USP34: variants seen among roughly 807,000 people sequenced by gnomAD.
USP34 encodes ubiquitin carboxyl-terminal hydrolase 34.
In USP34, 70 loss-of-function variants were observed where a neutral mutation model predicts 460.3. That is an observed-to-expected ratio of 0.15 (90% CI 0.13 to 0.19). The LOEUF (loss-of-function observed/expected upper bound fraction) is 0.19. Among genes scored for constraint, USP34 ranks in the 10% least tolerant of loss-of-function variants. USP34 has a pLI of 1.00. For synonymous variants in USP34, 1,647 were observed against 1,405.3 expected (o/e 1.17, Z -3.85); for missense variants, 3,985 against 4,236.2 (o/e 0.94, Z 1.65).
At chr2:61,194,364 G>A (rs1294523502) in intron 75 of USP34, among the ~76,000 whole-genome samples, 1 of 152,218 alleles carries the variant, frequency 6.6e-6, no homozygotes, top group Admixed American at 6.5e-5. Context: ...TGTGGCTATA[G>A]GGAAGAGAGT....
At chr2:61,375,258 G>C (rs1028462657) in intron 8 of USP34, among the ~76,000 whole-genome samples, 1 of 152,140 alleles carries the variant, frequency 6.6e-6, no homozygotes, top group African/African-American at 2.4e-5. Flanking sequence ...CTGCTGGCAA[G>C]AATAGGGAGA....
chr2:61,368,204 C>T (rs372069173), intron 10 of USP34, among the ~76,000 whole-genome samples: 12 of 152,050 alleles, frequency 7.9e-5, no homozygotes, highest in African/African-American at 2.2e-4. Context: ...GAGGCCAAGG[C>T]GGAAGGATTA....
At chr2:61,298,375 A>AAC (rs1553366006) in intron 29 of USP34, among the ~76,000 whole-genome samples, 5 of 142,614 alleles carry the variant, frequency 3.5e-5, no homozygotes, top group African/African-American at 1.3e-4. Flanking sequence ...AAAAAAAAAA[A>AAC]AAAAAAAAAA....
intron 18 of USP34, among the ~76,000 whole-genome samples, chr2:61,338,466 A>G (rs1691493888): frequency 6.6e-6 from 1 of 152,268 alleles, no homozygotes; most frequent in Non-Finnish European, 1.5e-5. Flanking sequence ...AAAAGAAAAT[A>G]AAATATAGCA....
rs76454698 is a variant in USP34 at position 61,421,495 on chromosome 2, G to A, written c.44-662C>T. On this transcript the variant is annotated intron_variant, in intron 1 of 79. Coordinates refer to ENST00000398571, the MANE Select transcript of USP34 (RefSeq NM_014709.4). ...CATTTTAATGGCTTTTACCTTCTTT[G>A]GCTGGTCCACACAGCTTTACAAAGT... Among the ~76,000 whole-genome samples, 449 of 152,096 alleles carry A rather than the reference G, an allele frequency of 3.0e-3. 3 individuals are homozygous for A. Among genetic ancestry groups the A allele is most frequent in the African/African-American group, 0.01 (424 of 41,482 alleles).
chr2:61,336,564 C>CT (rs992370871), intron 18 of USP34, among the ~76,000 whole-genome samples: 3 of 151,074 alleles, frequency 2.0e-5, no homozygotes, highest in Non-Finnish European at 4.4e-5. Flanking sequence ...AATCCCAGCA[C>CT]TTTGAGAGGT....
Position 61,214,430 on chromosome 2 carries a change from A to G in USP34, c.8312T>C (p.Met2771Thr). The G allele has an allele frequency of 6.2e-7, 1 of 1,614,258 alleles. No homozygotes were observed. Among genetic ancestry groups the G allele is most frequent in the African/African-American group, 1.3e-5 (1 of 75,072 alleles). Residue 2771 changes from methionine to threonine, a missense_variant, in exon 68 of 80, where the codon ATG becomes ACG. Met to Thr is a moderately conservative substitution (Grantham distance 81). This residue lies in a region of USP34 where 604 missense variants were observed against 684.8 expected (regional missense o/e 0.88). Transcript: ENST00000398571. Reference protein sequence around the residue: ...YCLISKTEKLMFSTYFMDLWN... With the variant: ...YCLISKTEKLTFSTYFMDLWN... ...CAAATCCATGAAATATGTGGAAAAC[A>G]TCAGCTTCTCAGTTTTGGAAATTAA...
In USP34 at chr2:61,464,626, T is replaced by C. The variant is rs1435549456; in HGVS notation, c.43+6024A>G. 6.2e-5 allele frequency among the ~76,000 whole-genome samples: 9 copies of C among 145,402 alleles called. No individual in the cohort carries two copies. The East Asian group carries it at 1.9e-3, about 31-fold the overall frequency. On this transcript the variant is annotated intron_variant, in intron 1 of 79. Transcript: ENST00000398571. Reference sequence around the variant, plus strand: ...AATGACGTACACCAGGCGTGGTGGCTCACGCCTGTAGTCCCAGGAGGCGGA... The same window carrying C: ...AATGACGTACACCAGGCGTGGTGGCCCACGCCTGTAGTCCCAGGAGGCGGA...
intron 1 of USP34, among the ~76,000 whole-genome samples, chr2:61,454,032 G>A (rs1003996384): frequency 1.7e-4 from 26 of 152,106 alleles, no homozygotes; most frequent in Admixed American, 1.5e-3. Flanking sequence ...ATTCACAGAA[G>A]ACAGCTAGAT....
Position 61,405,947 on chromosome 2 carries a change from G to C in USP34, c.313C>G (p.Leu105Val), listed in dbSNP as rs758529237. Residue 105 changes from leucine (L) to valine (V), a missense_variant, in exon 3 of 80, where the codon CTG becomes GTG. This residue lies in a region of USP34 where 331 missense variants were observed against 293.7 expected (regional missense o/e 1.13). Coordinates refer to ENST00000398571, the MANE Select transcript of USP34 (RefSeq NM_014709.4). The stretch of plus-strand genomic sequence containing the variant: ...TCATTACACTCTCTATCTATATTCA[G>C]TGGTTCTTCTGCTTGATTACTCTCA... ...QDESNQAEEP[L>V]NIDRECNEGS... is the part of the protein sequence containing the mutation. 1.2e-6 allele frequency: 2 copies of C among 1,613,232 alleles called. No homozygotes were observed. The highest frequency in any genetic ancestry group is 1.1e-5 in the South Asian group (1 of 91,056).
At chr2:61,401,530 A>T (rs937653763) in intron 3 of USP34, among the ~76,000 whole-genome samples, 2 of 141,132 alleles carry the variant, frequency 1.4e-5, no homozygotes, top group Non-Finnish European at 3.0e-5. Context: ...GAGCCACTGT[A>T]CCTGGCCCTA....
Position 61,455,534 on chromosome 2 carries a change from A to T in USP34, c.43+15116T>A, listed in dbSNP as rs554785290. 5.3e-5 allele frequency among the ~76,000 whole-genome samples: 8 copies of T among 152,220 alleles called. No individual in the cohort carries two copies. In the East Asian group the frequency reaches 1.5e-3, roughly 29 times the overall value. On this transcript the variant is annotated intron_variant, in intron 1 of 79. Coordinates refer to ENST00000398571, the MANE Select transcript of USP34 (RefSeq NM_014709.4). ...TGTGCCTGTAATCCCAGGTAACATG[A>T]ATCTGAGTCAGGAGGATCATTTGAG...
intron 18 of USP34, among the ~76,000 whole-genome samples, chr2:61,337,302 T>C (rs1325096477): frequency 1.3e-5 from 2 of 152,224 alleles, no homozygotes; most frequent in Non-Finnish European, 2.9e-5. Context: ...ATTGTGTTTG[T>C]GAAATTCAAC....
chr2:61,442,305 G>T (rs1180449568), intron 1 of USP34, among the ~76,000 whole-genome samples: 1 of 149,436 alleles, frequency 6.7e-6, no homozygotes, highest in Non-Finnish European at 1.5e-5. Context: ...AATCAACAGA[G>T]TAAAAAAAGA....
chr2:61,412,133 G>C, intron 2 of USP34, among the ~76,000 whole-genome samples: 1 of 147,016 alleles, frequency 6.8e-6, no homozygotes, highest in Non-Finnish European at 1.5e-5. Context: ...AGGCTGCAGT[G>C]AGCCGAGATC....
rs192809948 is a variant in USP34, at chr2:61,470,396, G to A, written c.43+254C>T. ...CACCTGTAATGAGGAAACTTTCCGAGAGCCCAGAGCGCCCGGGCCAGGCCG... is the reference window on the plus strand; with the variant it reads ...CACCTGTAATGAGGAAACTTTCCGAAAGCCCAGAGCGCCCGGGCCAGGCCG... On this transcript the variant is annotated intron_variant, in intron 1 of 79. Coordinates refer to ENST00000398571, the MANE Select transcript of USP34 (RefSeq NM_014709.4). 2.6e-3 allele frequency among the ~76,000 whole-genome samples: 402 copies of A among 151,834 alleles called. 1 individual carries two copies. The highest frequency in any genetic ancestry group is 4.3e-3 in the Non-Finnish European group (291 of 67,796).
At chr2:61,229,479 A>AC in intron 59 of USP34, 69 bp downstream of exon 59, 4 of 804,168 alleles carry the variant, frequency 5.0e-6, no homozygotes, top group South Asian at 3.5e-5. Context: ...AAAAAAACAA[A>AC]AAAAAAAAAC....
At chr2:61,226,048 C>T (rs1207418651) in intron 62 of USP34, among the ~76,000 whole-genome samples, 1 of 152,158 alleles carries the variant, frequency 6.6e-6, no homozygotes, top group Non-Finnish European at 1.5e-5. Context: ...ATACTGCAGA[C>T]TCAAACTCCT....
At chr2:61,246,254 C>G (rs762327320) in intron 50 of USP34, 70 bp downstream of exon 50, 1 of 1,275,412 alleles carries the variant, frequency 7.8e-7, no homozygotes, top group Non-Finnish European at 1.0e-6. Context: ...TTTTAGAAAA[C>G]TAAACACTGA....
Sources: allele counts gnomAD v4.1 joint callset (sites outside exome capture counted in the v4.1 genomes callset), GRCh38; gene constraint gnomAD v4.1.1; regional missense constraint gnomAD v4.1.1; transcripts MANE v1.5; gene names NCBI Gene and HGNC (gene_info 2026-07-23, HGNC 2026-07-21).